FER1L6: variants seen among roughly 807,000 people sequenced by gnomAD.
FER1L6 encodes fer-1 like family member 6.
Under a neutral mutation model 219.2 loss-of-function variants are expected in FER1L6, and 177 were observed. The observed-to-expected ratio is 0.81, with a 90% confidence interval of 0.71 to 0.91. FER1L6 has a LOEUF of 0.91. Ranked by LOEUF, FER1L6 falls within the 40% of genes least tolerant of loss-of-function variation. The probability of loss-of-function intolerance (pLI) is 0.00; values close to 1 mark genes in which losing one functional copy is unlikely to be tolerated. For missense variants in FER1L6, 2,153 were observed against 2,259.9 expected (o/e 0.95, Z 0.96); for synonymous variants, 768 against 824.3 (o/e 0.93, Z 1.17).
At chr8:123,893,725 G>A (rs1391963332) in intron 1 of FER1L6, among the ~76,000 whole-genome samples, 1 of 152,166 alleles carries the variant, frequency 6.6e-6, no homozygotes, top group African/African-American at 2.4e-5. Flanking sequence ...TTCCAGTAAA[G>A]CCAATTTAGG....
chr8:123,856,316 G>GTATGTATA lies in FER1L6; in HGVS notation c.-8+4134_-8+4135insGTATATAT, dbSNP rs1554608010. ...TGTATATATATATATATATGTATGT[G>GTATGTATA]TATATATATATATATATATATATAT... On this transcript the variant is annotated intron_variant, in intron 1 of 40. Transcript: ENST00000522917. 5.3e-4 allele frequency among the ~76,000 whole-genome samples: 24 copies of GTATGTATA among 45,088 alleles called. 6 individuals carry two copies. Among genetic ancestry groups the GTATGTATA allele is most frequent in the African/African-American group, 2.0e-3 (23 of 11,510 alleles). 29.6% of individuals were successfully genotyped at this position (45,088 alleles called of 152,430 possible).
chr8:123,990,499 A>T (rs755912219), intron 12 of FER1L6, among the ~76,000 whole-genome samples: 14 of 151,790 alleles, frequency 9.2e-5, no homozygotes, highest in Non-Finnish European at 2.9e-5. Flanking sequence ...TTTTTTTCAT[A>T]TGTTTATTGG....
At chr8:123,962,232 T>C (rs1815322034) in intron 2 of FER1L6, among the ~76,000 whole-genome samples, 1 of 152,170 alleles carries the variant, frequency 6.6e-6, no homozygotes, top group Non-Finnish European at 1.5e-5. Context: ...GAAGTCAGTC[T>C]CTTGTCTAAT....
intron 17 of FER1L6, among the ~76,000 whole-genome samples, chr8:124,023,137 G>A (rs914099664): frequency 1.3e-5 from 2 of 152,084 alleles, no homozygotes; most frequent in African/African-American, 4.8e-5. Context: ...GGATGATCTC[G>A]AACTCCTGAC....
At chr8:124,010,414 G>A (rs1259281738) in intron 13 of FER1L6, among the ~76,000 whole-genome samples, 180 bp from the exon 14 acceptor site, 1 of 152,142 alleles carries the variant, frequency 6.6e-6, no homozygotes, top group African/African-American at 2.4e-5. Context: ...CCATCTAACT[G>A]TTCATTGTTC....
intron 16 of FER1L6, among the ~76,000 whole-genome samples, chr8:124,019,039 A>G (rs1038026033): frequency 1.3e-5 from 2 of 152,166 alleles, no homozygotes; most frequent in African/African-American, 4.8e-5. Flanking sequence ...CTGTATTACA[A>G]CCAGCATGGT....
intron 22 of FER1L6, among the ~76,000 whole-genome samples, chr8:124,055,415 C>T: frequency 6.6e-6 from 1 of 152,088 alleles, no homozygotes; most frequent in East Asian, 1.9e-4. Context: ...AATGAACAAA[C>T]ATTCATGGAA....
rs1463554924 is a variant in FER1L6, at chr8:123,945,412, A to G, written c.-7-10580A>G. 2.0e-5 allele frequency among the ~76,000 whole-genome samples: 3 copies of G among 152,242 alleles called. 1 individual carries two copies. Among genetic ancestry groups the G allele is most frequent in the Non-Finnish European group, 4.4e-5 (3 of 68,036 alleles). On this transcript the variant is annotated intron_variant, in intron 1 of 40. Coordinates refer to ENST00000522917, the MANE Select transcript of FER1L6 (RefSeq NM_001039112.2). Reference sequence around the variant, plus strand: ...GATTCTGTTGTTTTGGGGGCCCTGTAAATCCCACACAAAAGGCTCACTGAA... The same window carrying G: ...GATTCTGTTGTTTTGGGGGCCCTGTGAATCCCACACAAAAGGCTCACTGAA...
chr8:124,067,827 C>CA (rs1410588684), intron 28 of FER1L6, 21 bp downstream of exon 28: 1 of 1,604,258 alleles, frequency 6.2e-7, no homozygotes, highest in Non-Finnish European at 8.5e-7. Context: ...ATTCTGGGGA[C>CA]ATTTGTCCAT....
In FER1L6 at chr8:124,050,739, AAGAG is replaced by A. The variant is rs562534875; in HGVS notation, c.2874+991_2874+994del. On this transcript the variant is annotated intron_variant, in intron 22 of 40. Coordinates refer to ENST00000522917, the MANE Select transcript of FER1L6 (RefSeq NM_001039112.2). ...GCATGACTGGTGTCTTCATGCCACC[AAGAG>A]AGAGAGAAGTTATCTCTCTTGTGTC... is the stretch of plus-strand genomic sequence containing the variant. 4.6e-5 allele frequency among the ~76,000 whole-genome samples: 7 copies of A among 151,934 alleles called. No individual in the cohort carries two copies. The South Asian group carries it at 1.0e-3, about 23-fold the overall frequency.
intron 32 of FER1L6, among the ~76,000 whole-genome samples, chr8:124,081,582 G>C (rs377732236): frequency 6.3e-5 from 9 of 143,090 alleles, no homozygotes; most frequent in African/African-American, 2.4e-4. Context: ...CAGGTCAAGT[G>C]CAGGCTCCAG....
intron 1 of FER1L6, among the ~76,000 whole-genome samples, chr8:123,911,414 G>A (rs1325556151): frequency 6.6e-6 from 1 of 152,178 alleles, no homozygotes; most frequent in Non-Finnish European, 1.5e-5. Flanking sequence ...GGCCCAGGCA[G>A]TGTCATGCTT....
At chr8:124,099,361 G>A (rs567189556) in intron 37 of FER1L6, among the ~76,000 whole-genome samples, 198 of 151,974 alleles carry the variant, frequency 1.3e-3, no homozygotes, top group Middle Eastern at 3.4e-3. Flanking sequence ...TCTTCTCTAC[G>A]GTTTCTTATC....
At position 124,061,446 on chromosome 8, in the gene FER1L6, C is replaced by G. The variant is rs193263098; in HGVS notation, c.3148-406C>G. ...GAGTCTCGGGGGCCACCAGGGAAAA[C>G]AGGTGGCTGGGGCACTGTCCCTTCA... On this transcript the variant is annotated intron_variant, in intron 24 of 40. Transcript: ENST00000522917. Among the ~76,000 whole-genome samples, 194 of 152,218 alleles carry G rather than the reference C, an allele frequency of 1.3e-3. 1 individual carries two copies. The highest frequency in any genetic ancestry group is 4.4e-3 in the African/African-American group (181 of 41,532).
intron 22 of FER1L6, among the ~76,000 whole-genome samples, chr8:124,054,439 CTTCT>C (rs1256254644): frequency 1.3e-5 from 2 of 152,028 alleles, no homozygotes; most frequent in African/African-American, 2.4e-5. Flanking sequence ...TTTTTTTTAA[CTTCT>C]TTTTCAAAAC....
rs1819915969 is a variant in FER1L6 at position 124,049,743 on chromosome 8, T to C, written c.2861T>C (p.Phe954Ser). 1 of 1,613,882 alleles carries C rather than the reference T, an allele frequency of 6.2e-7. No individual in the cohort carries two copies. Among genetic ancestry groups the C allele is most frequent in the Non-Finnish European group, 8.5e-7 (1 of 1,179,942 alleles). ...TCTGGAGGGGATCTCCTTGCTGTAT[T>C]TGAACTGCTGCAGGTGAGTGAACCA... Reference protein sequence around the residue: ...NLSGGDLLAVFELLQVPPSGL... With the variant: ...NLSGGDLLAVSELLQVPPSGL... The change falls in exon 22 of 41, where the codon TTT (phenylalanine) becomes TCT (serine). Residue 954 changes from phenylalanine (F) to serine (S), a missense_variant. Physicochemically the swap from Phe to Ser is radical, Grantham distance 155. Coordinates refer to ENST00000522917, the MANE Select transcript of FER1L6 (RefSeq NM_001039112.2).
intron 1 of FER1L6, among the ~76,000 whole-genome samples, chr8:123,908,565 G>C (rs527283103): frequency 6.6e-6 from 1 of 152,332 alleles, no homozygotes; most frequent in African/African-American, 2.4e-5. Context: ...CTACTGGAAA[G>C]TTTAACTGTT....
rs1340357637 is a variant in FER1L6 at position 123,853,265 on chromosome 8, G to A, written c.-8+1080G>A. Among the ~76,000 whole-genome samples the A allele has an allele frequency of 3.9e-5, 6 of 152,086 alleles. No individual in the cohort carries two copies. Among genetic ancestry groups the A allele is most frequent in the East Asian group, 1.9e-4 (1 of 5,172 alleles). On this transcript the variant is annotated intron_variant, in intron 1 of 40. Coordinates refer to ENST00000522917, the MANE Select transcript of FER1L6 (RefSeq NM_001039112.2). The surrounding 1 kb of genome is among the most constrained non-coding windows in gnomAD (Gnocchi z 6.6). ...CACCTCCCAGGTTCAAGTGAGTCTC[G>A]TGCCTCAGGCTCCAGAATAGCTGGG...
chr8:124,054,768 C>T (rs1448034733), intron 22 of FER1L6, among the ~76,000 whole-genome samples: 7 of 152,090 alleles, frequency 4.6e-5, no homozygotes, highest in Non-Finnish European at 1.0e-4. Flanking sequence ...TGACAGGAAG[C>T]GGGAAGGCGA....
Sources: allele counts gnomAD v4.1 joint callset (sites outside exome capture counted in the v4.1 genomes callset), GRCh38; gene constraint gnomAD v4.1.1; non-coding constraint Gnocchi (gnomAD v3.1); transcripts MANE v1.5; gene names NCBI Gene and HGNC (gene_info 2026-07-23, HGNC 2026-07-21).